The following CENATAC variants were observed in gnomAD, a reference collection of about 807,000 sequenced individuals.
The protein encoded by CENATAC is centrosomal AT-AC splicing factor, also known as coiled-coil domain containing 84.
CENATAC carries 53 observed loss-of-function variants against 53.7 expected under a neutral mutation model. The ratio of observed to expected loss-of-function variants is 0.99; its 90% CI spans 0.79 to 1.24. CENATAC has a LOEUF of 1.24. Ranked by LOEUF, CENATAC falls within the 50% of genes most tolerant of loss-of-function variation. The pLI is 0.00. For missense variants in CENATAC, 474 were observed against 417.8 expected, an observed-to-expected ratio of 1.13 and a Z score of -1.17; for synonymous variants, 156 against 144.6, an observed-to-expected ratio of 1.08 and a Z score of -0.57.
At chr11:119,008,500 A>G (rs897405035) in intron 3 of CENATAC, among the ~76,000 whole-genome samples, 7 of 152,212 alleles carry the variant, frequency 4.6e-5, no homozygotes, top group African/African-American at 1.7e-4. Flanking sequence ...GTATCACTGT[A>G]AACATGTCTC....
intron 3 of CENATAC, among the ~76,000 whole-genome samples, chr11:119,006,455 C>G (rs571794520): frequency 2.0e-5 from 3 of 152,270 alleles, no homozygotes; most frequent in Admixed American, 6.5e-5. Flanking sequence ...CCAGGATGGT[C>G]TTGATCTCCT....
chr11:119,013,415 C>G (rs1295264700), intron 8 of CENATAC, among the ~76,000 whole-genome samples, 153 bp downstream of exon 8: 1 of 151,342 alleles, frequency 6.6e-6, no homozygotes, highest in East Asian at 1.9e-4. Context: ...TCTGCCTCAG[C>G]CTCCCAAGTA....
At chr11:119,003,936 TA>T (rs1291324002) in intron 3 of CENATAC, 1 of 152,416 alleles carries the variant, frequency 6.6e-6, no homozygotes, top group Non-Finnish European at 1.5e-5. Context: ...GAAATATTTC[TA>T]ATCAGATATT....
intron 3 of CENATAC, among the ~76,000 whole-genome samples, chr11:119,008,237 C>A (rs1345129982): frequency 1.3e-5 from 2 of 152,142 alleles, no homozygotes; most frequent in Non-Finnish European, 2.9e-5. Flanking sequence ...CTCAGCACAC[C>A]AAGGACCTGC....
intron 7 of CENATAC, chr11:119,012,974 TG>T: frequency 2.4e-6 from 1 of 409,572 alleles, no homozygotes. Context: ...GGCAAGGTTT[TG>T]CTCCCCTGGC....
intron 3 of CENATAC, among the ~76,000 whole-genome samples, chr11:119,004,115 G>A (rs1017405215): frequency 1.3e-5 from 2 of 152,106 alleles, no homozygotes; most frequent in Non-Finnish European, 2.9e-5. Context: ...ATGATGTTTC[G>A]ATTTTACTCA....
chr11:119,011,645 A>G (rs1216944939), intron 5 of CENATAC, among the ~76,000 whole-genome samples: 2 of 152,162 alleles, frequency 1.3e-5, no homozygotes, highest in Admixed American at 1.3e-4. Context: ...TGCTGGAATT[A>G]CAAGCATGAG....
At chr11:119,003,013 G>A in intron 3 of CENATAC, 1 of 518,964 alleles carries the variant, frequency 1.9e-6, no homozygotes, top group Non-Finnish European at 3.8e-6. Context: ...GGACTCAGTT[G>A]AGATGATCCC....
chr11:119,007,513 G>A (rs945360720), intron 3 of CENATAC, among the ~76,000 whole-genome samples: 1 of 151,628 alleles, frequency 6.6e-6, no homozygotes, highest in African/African-American at 2.4e-5. Context: ...ATTTTGAGAT[G>A]GAGTCTTGCT....
intron 10 of CENATAC, 26 bp downstream of exon 10, chr11:119,015,465 C>T (rs1943120295): frequency 1.9e-6 from 3 of 1,613,844 alleles, no homozygotes; most frequent in African/African-American, 1.3e-5. Context: ...GCCGGGTCTC[C>T]AACCTACCCA....
chr11:119,015,778 G>A lies in CENATAC; in HGVS notation c.*180G>A. On this transcript the variant is annotated 3_prime_UTR_variant, in exon 11 of 11. Coordinates refer to ENST00000334418, the MANE Select transcript of CENATAC (RefSeq NM_198489.3). ...TTGGACCTGTAAAAAAAAATTAAAA[G>A]AATCAGAACCATAAAGCTTTGTATC... The A allele has an allele frequency of 7.5e-7, 1 of 1,333,858 alleles. No homozygotes were observed. Among genetic ancestry groups the A allele is most frequent in the Non-Finnish European group, 1.1e-6 (1 of 941,916 alleles). 82.6% of individuals were successfully genotyped at this position (1,333,858 alleles called of 1,614,324 possible). A position where few individuals can be genotyped will look rare whatever the true frequency, so the allele number is the denominator to read the frequency against.
chr11:119,001,291 T>C (rs1203862279), intron 3 of CENATAC, among the ~76,000 whole-genome samples: 1 of 152,232 alleles, frequency 6.6e-6, no homozygotes, highest in Admixed American at 6.5e-5. Flanking sequence ...TATAATTTTA[T>C]ACAGTTATGT....
At chr11:119,012,794 C>T (rs555816360) in intron 7 of CENATAC, 1 of 167,280 alleles carries the variant, frequency 6.0e-6, no homozygotes, top group African/African-American at 2.4e-5. Context: ...CTTTCCTTCC[C>T]TCATCACCTA....
chr11:119,011,367 G>GCTT (rs772166384), intron 5 of CENATAC, 84 bp downstream of exon 5: 49 of 1,280,446 alleles, frequency 3.8e-5, no homozygotes, highest in Non-Finnish European at 5.4e-5. Flanking sequence ...ATGGACTAGT[G>GCTT]CTTCTTCTTC....
At chr11:119,013,519 A>G (rs1232807349) in intron 8 of CENATAC, among the ~76,000 whole-genome samples, 1 of 145,778 alleles carries the variant, frequency 6.9e-6, no homozygotes, top group Non-Finnish European at 1.5e-5. Flanking sequence ...GCTGGAGTGC[A>G]GTGGCGGGAT....
intron 3 of CENATAC, chr11:119,001,615 T>A (rs1261129483): frequency 2.2e-6 from 1 of 455,676 alleles, no homozygotes; most frequent in African/African-American, 2.0e-5. Context: ...ATTTCTAGGC[T>A]ATGTGGTTCA....
In CENATAC at chr11:119,015,756, G is replaced by C; in HGVS notation, c.*158G>C. On this transcript the variant is annotated 3_prime_UTR_variant, in exon 11 of 11. Coordinates refer to ENST00000334418, the MANE Select transcript of CENATAC (RefSeq NM_198489.3). Reference sequence around the variant, plus strand: ...ATTTTTCCAAATGTACAGCTGGTTGGACCTGTAAAAAAAAATTAAAAGAAT... The same window carrying C: ...ATTTTTCCAAATGTACAGCTGGTTGCACCTGTAAAAAAAAATTAAAAGAAT... The C allele has an allele frequency of 8.0e-7, 1 of 1,255,382 alleles. No homozygotes were observed. The highest frequency in any genetic ancestry group is 1.9e-5 in the Admixed American group (1 of 52,120). The allele number at this position is 1,255,382 out of a possible 1,614,324, so 77.8% of individuals were successfully genotyped here.
In CENATAC at chr11:119,015,055, A is replaced by G. The variant is rs377673748; in HGVS notation, c.777A>G (p.Gly259=). Residue 259 remains glycine, a synonymous_variant, in exon 9 of 11, where the codon GGA becomes GGG. Transcript: ENST00000334418. The part of the protein sequence containing the change: ...EEYIAGNQEI[G]PSYEEFLKEK... Reference sequence around the variant, plus strand: ...ACATTGCTGGGAACCAAGAAATAGGACCATCCTATGAAGAATTTCTTAAAG... The same window carrying G: ...ACATTGCTGGGAACCAAGAAATAGGGCCATCCTATGAAGAATTTCTTAAAG... 5 of 1,612,412 alleles carry G rather than the reference A, an allele frequency of 3.1e-6. No individual in the cohort carries two copies. The African/African-American group carries it at 4.0e-5, about 13-fold the overall frequency.
intron 3 of CENATAC, chr11:119,003,488 G>A (rs998947257): frequency 9.4e-6 from 4 of 425,920 alleles, no homozygotes; most frequent in African/African-American, 8.2e-5. Context: ...CGTAGAGATA[G>A]GGTGTCACCA....
Sources: allele counts gnomAD v4.1 joint callset (sites outside exome capture counted in the v4.1 genomes callset), GRCh38; gene constraint gnomAD v4.1.1; transcripts MANE v1.5; gene names NCBI Gene and HGNC (gene_info 2026-07-23, HGNC 2026-07-21).